The following CNBD1 variants were observed in gnomAD, a reference collection of about 807,000 sequenced individuals.
CNBD1 encodes the protein cyclic nucleotide binding domain containing 1.
CNBD1 carries 71 observed loss-of-function variants against 54.4 expected under a neutral mutation model. That is an observed-to-expected ratio of 1.30 (90% CI 1.08 to 1.59). The LOEUF is 1.59. Among genes scored for constraint, CNBD1 ranks in the 40% most tolerant of loss-of-function variants. The pLI is 0.00. For synonymous variants in CNBD1, 182 were observed against 170.7 expected (o/e 1.07, Z -0.51); for missense variants, 659 against 518.0 (o/e 1.27, Z -2.64).
chr8:87,046,042 TAA>T (rs58214390), intron 4 of CNBD1, among the ~76,000 whole-genome samples: 933 of 71,608 alleles, frequency 0.013, 7 homozygotes, highest in African/African-American at 0.044. Context: ...CTTCCTCTCA[TAA>T]AAAAAAAAAA....
At chr8:87,420,105 CATTTACAG>C (rs1807906292) in intron 2 of CNBD1, among the ~76,000 whole-genome samples, 1 of 151,662 alleles carries the variant, frequency 6.6e-6, no homozygotes, top group Non-Finnish European at 1.5e-5. Context: ...TACCTTACCA[CATTTACAG>C]AATAAAAGAT....
chr8:87,120,076 A>G (rs1406822671), intron 4 of CNBD1, among the ~76,000 whole-genome samples: 1 of 152,034 alleles, frequency 6.6e-6, no homozygotes, highest in African/African-American at 2.4e-5. Context: ...TGGTATCAGG[A>G]TAATGCTGGC....
intron 2 of CNBD1, among the ~76,000 whole-genome samples, chr8:87,416,644 G>T (rs2130989667): frequency 1.3e-5 from 2 of 152,134 alleles, no homozygotes; most frequent in African/African-American, 4.8e-5. Context: ...GTTTGTTGTT[G>T]TTATATGACT....
At chr8:87,146,477 T>G (rs1273902248) in intron 4 of CNBD1, among the ~76,000 whole-genome samples, 1 of 152,136 alleles carries the variant, frequency 6.6e-6, no homozygotes, top group African/African-American at 2.4e-5. Context: ...TCAACTTAAT[T>G]TATTTTGTTT....
intron 10 of CNBD1, among the ~76,000 whole-genome samples, chr8:87,376,772 T>C (rs1810949322): frequency 6.6e-6 from 1 of 151,944 alleles, no homozygotes; most frequent in Non-Finnish European, 1.5e-5. Flanking sequence ...TTATAAAGCA[T>C]AAGTAACTTG....
chr8:86,952,859 T>A (rs1488651880), intron 4 of CNBD1, among the ~76,000 whole-genome samples: 1 of 152,190 alleles, frequency 6.6e-6, no homozygotes, highest in Non-Finnish European at 1.5e-5. Context: ...TTGTCATTCT[T>A]TCCTCTTGTG....
At chr8:87,296,891 A>G (rs1003725718) in intron 8 of CNBD1, among the ~76,000 whole-genome samples, 7 of 152,196 alleles carry the variant, frequency 4.6e-5, no homozygotes, top group Admixed American at 3.3e-4. Context: ...AAAGTAAAAA[A>G]TAAGGCCAGC....
intron 4 of CNBD1, among the ~76,000 whole-genome samples, chr8:87,112,341 T>A (rs1811680942): frequency 6.6e-6 from 1 of 152,184 alleles, no homozygotes; most frequent in Non-Finnish European, 1.5e-5. Context: ...TAATAAGGCC[T>A]TGATTTTGTC....
In CNBD1 at chr8:87,006,762, A is replaced by C. The variant is rs148325334; in HGVS notation, c.431+67008A>C. On this transcript the variant is annotated intron_variant, in intron 4 of 10. Coordinates refer to ENST00000518476, the MANE Select transcript of CNBD1 (RefSeq NM_173538.3). ...GATACTCAAACCATATCAGATGACA[A>C]CTCCTCCTCTTTAATCTCCTCCTCT... is the stretch of plus-strand genomic sequence containing the variant. Among the ~76,000 whole-genome samples the C allele has an allele frequency of 6.0e-3, 912 of 151,802 alleles. 17 individuals are homozygous for C. The highest frequency in any genetic ancestry group is 0.021 in the African/African-American group (870 of 41,390).
At chr8:87,411,924 T>A (rs1169740454) in intron 2 of CNBD1, among the ~76,000 whole-genome samples, 1 of 151,894 alleles carries the variant, frequency 6.6e-6, no homozygotes, top group African/African-American at 2.4e-5. Context: ...TTTAAAAAAG[T>A]TTTGCTTGTA....
chr8:87,417,300 C>T (rs1242274984), intron 2 of CNBD1, among the ~76,000 whole-genome samples: 1 of 151,866 alleles, frequency 6.6e-6, no homozygotes, highest in Non-Finnish European at 1.5e-5. Flanking sequence ...ACAAGAACAG[C>T]ACGGGAAAAG....
At chr8:86,963,030 C>T (rs1807972625) in intron 4 of CNBD1, among the ~76,000 whole-genome samples, 1 of 152,160 alleles carries the variant, frequency 6.6e-6, no homozygotes, top group Non-Finnish European at 1.5e-5. Flanking sequence ...GGTTACCCAT[C>T]TGGAAAGAGG....
chr8:86,884,986 A>G (rs191077744), intron 1 of CNBD1, among the ~76,000 whole-genome samples: 1 of 152,244 alleles, frequency 6.6e-6, no homozygotes, highest in Non-Finnish European at 1.5e-5. Flanking sequence ...CTTGCCTCCT[A>G]GCCACTCAGA....
At chr8:87,293,187 C>A (rs866144215) in intron 8 of CNBD1, among the ~76,000 whole-genome samples, 48 of 152,086 alleles carry the variant, frequency 3.2e-4, no homozygotes, top group African/African-American at 1.1e-3. Flanking sequence ...TTTTTAACAT[C>A]TGTGTACAGA....
intron 6 of CNBD1, among the ~76,000 whole-genome samples, chr8:87,240,065 A>AACACACACACACACAC: frequency 6.8e-6 from 1 of 146,520 alleles, no homozygotes; most frequent in South Asian, 2.2e-4. Flanking sequence ...TCTGTGCCAA[A>AACACACACACACACAC]ACACACACAC....
At chr8:87,233,087 AG>A (rs2130822590) in intron 5 of CNBD1, among the ~76,000 whole-genome samples, 2 of 152,338 alleles carry the variant, frequency 1.3e-5, no homozygotes, top group African/African-American at 4.8e-5. Context: ...ACCCTTTAAT[AG>A]TAACTACAAC....
At chr8:87,230,659 G>T (rs187182858) in intron 5 of CNBD1, among the ~76,000 whole-genome samples, 1,768 of 152,262 alleles carry the variant, frequency 0.012, 16 homozygotes, top group Non-Finnish European at 0.017. Flanking sequence ...GGAATAATTA[G>T]TGTTAGAACA....
At chr8:87,048,075 G>T (rs1268603010) in intron 4 of CNBD1, among the ~76,000 whole-genome samples, 1 of 152,130 alleles carries the variant, frequency 6.6e-6, no homozygotes, top group East Asian at 1.9e-4. Flanking sequence ...GTTGATACCT[G>T]CAACCTTAAC....
At chr8:87,358,171 A>G (rs951689808) in intron 10 of CNBD1, among the ~76,000 whole-genome samples, 1 of 152,154 alleles carries the variant, frequency 6.6e-6, no homozygotes, top group Non-Finnish European at 1.5e-5. Flanking sequence ...TAGATTACCC[A>G]GCCTTGGGTA....
Sources: gnomAD v4.1 joint callset for allele counts (sites outside exome capture counted in the v4.1 genomes callset) on GRCh38, gnomAD v4.1.1 for gene constraint, MANE v1.5 for transcripts, NCBI Gene and HGNC (gene_info 2026-07-23, HGNC 2026-07-21) for gene names.